Variants in TNRC6C observed in about 807,000 individuals in gnomAD.
TNRC6C encodes trinucleotide repeat-containing gene 6C protein.
A neutral mutation model predicts 153.7 loss-of-function variants in TNRC6C; 20 were observed. That is an observed-to-expected ratio of 0.13 (90% CI 0.09 to 0.19). TNRC6C has a LOEUF of 0.19. TNRC6C is among the 10% of genes least tolerant of loss of function. The pLI is 1.00. For synonymous variants in TNRC6C, 811 were observed against 841.4 expected, an observed-to-expected ratio of 0.96 and a Z score of 0.63; for missense variants, 1,987 against 2,172.0, an observed-to-expected ratio of 0.91 and a Z score of 1.69.
intron 3 of TNRC6C, among the ~76,000 whole-genome samples, chr17:78,057,851 A>G (rs1195495471): frequency 2.6e-5 from 4 of 152,124 alleles, no homozygotes; most frequent in Non-Finnish European, 5.9e-5. Flanking sequence ...GTTGTTTTAA[A>G]GGAACGAATG....
Position 78,049,526 on chromosome 17 carries a change from T to A in TNRC6C, c.464T>A (p.Leu155Gln). Reference sequence around the variant, plus strand: ...ACTTTAGGTGCTTGGGGAAACTTGCTGCCACAAGAGAGCACAGAACCACAA... The same window carrying A: ...ACTTTAGGTGCTTGGGGAAACTTGCAGCCACAAGAGAGCACAGAACCACAA... Residue 155 changes from leucine to glutamine, a missense_variant, in exon 3 of 20, where the codon CTG (leucine) becomes CAG (glutamine). By Grantham distance (113) the Leu-to-Gln change is moderately radical (BLOSUM62 -2). Around this residue, in one of 4 missense-constraint regions of TNRC6C, gnomAD observed 1,052 missense variants for 1,017.0 expected, o/e 1.03. Transcript: ENST00000301624. This position sits in a 1 kb window ranked among gnomAD's most constrained non-coding sequence, Gnocchi z 4.1. 1 of 1,614,042 alleles carries A rather than the reference T, an allele frequency of 6.2e-7. No homozygotes were observed.
intron 1 of TNRC6C, among the ~76,000 whole-genome samples, chr17:77,986,348 G>C (rs2144126027): frequency 6.6e-6 from 1 of 151,364 alleles, no homozygotes; most frequent in East Asian, 2.0e-4. Flanking sequence ...GCGGGAGACA[G>C]GTTGTGGTGA....
exon 20 of TNRC6C, chr17:78,106,578 A>G (rs1176001380): frequency 1.3e-5 from 2 of 151,792 alleles, no homozygotes; most frequent in African/African-American, 2.4e-5. Context: ...AAAGAGGAAA[A>G]AAAAACACAA....
intron 1 of TNRC6C, among the ~76,000 whole-genome samples, chr17:78,030,129 G>C (rs2072034603): frequency 1.4e-5 from 2 of 146,916 alleles, no homozygotes; most frequent in Non-Finnish European, 2.9e-5. Context: ...AATTACTACT[G>C]TACATAATGT....
intron 2 of TNRC6C, among the ~76,000 whole-genome samples, chr17:78,044,718 G>A (rs993840147): frequency 2.0e-5 from 3 of 152,202 alleles, no homozygotes; most frequent in Non-Finnish European, 4.4e-5. Context: ...TTCTGCTTTT[G>A]TGCCACAGCA....
At chr17:78,032,371 C>G (rs889774978) in intron 2 of TNRC6C, among the ~76,000 whole-genome samples, 2 of 152,172 alleles carry the variant, frequency 1.3e-5, no homozygotes, top group African/African-American at 2.4e-5. Flanking sequence ...CTTTTGGCTC[C>G]TAAGAAAAAT....
At position 78,083,034 on chromosome 17, in the gene TNRC6C, T is replaced by C. The variant is rs772617000; in HGVS notation, c.3358-13T>C. On this transcript the variant is annotated splice_polypyrimidine_tract_variant and intron_variant, in intron 10 of 19. Transcript: ENST00000301624. ...GAGATACAACGGCTAATAGTATATTTTATGTTAAACAGGTTCAAGCACAGC... is the reference window on the plus strand; with the variant it reads ...GAGATACAACGGCTAATAGTATATTCTATGTTAAACAGGTTCAAGCACAGC... 1.1e-5 allele frequency: 18 copies of C among 1,613,404 alleles called. 1 individual carries two copies. In the South Asian group the frequency reaches 2.0e-4, roughly 18 times the overall value.
chr17:78,076,690 A>C (rs2073091537), intron 8 of TNRC6C, among the ~76,000 whole-genome samples: 1 of 152,190 alleles, frequency 6.6e-6, no homozygotes, highest in Non-Finnish European at 1.5e-5. Flanking sequence ...GCATGACCTC[A>C]GTAGATGTTA....
intron 1 of TNRC6C, among the ~76,000 whole-genome samples, chr17:77,965,922 C>G (rs2070893483): frequency 6.6e-6 from 1 of 152,184 alleles, no homozygotes; most frequent in Non-Finnish European, 1.5e-5. Context: ...TCCCTTCATA[C>G]CACTTTTTAG....
At chr17:78,004,311 G>A (rs1209620788), upstream of TNRC6C, 1 of 1,231,514 alleles carries the variant, frequency 8.1e-7, no homozygotes, top group Non-Finnish European at 1.0e-6. Flanking sequence ...GTATCATTGT[G>A]TGTCTCATTT....
intron 13 of TNRC6C, 99 bp from the exon 16 acceptor site, chr17:78,091,341 A>AT: frequency 3.9e-6 from 5 of 1,289,938 alleles, no homozygotes; most frequent in African/African-American, 1.5e-5. Flanking sequence ...AAAAAAAAAA[A>AT]TTTGCTGTAA....
intron 1 of TNRC6C, among the ~76,000 whole-genome samples, chr17:77,990,741 C>G (rs558525003): frequency 6.6e-6 from 1 of 152,288 alleles, no homozygotes; most frequent in Non-Finnish European, 1.5e-5. Flanking sequence ...GGTATGGCCT[C>G]AGTATAATGT....
At chr17:78,053,934 A>G (rs1463473654) in intron 3 of TNRC6C, among the ~76,000 whole-genome samples, 1 of 152,202 alleles carries the variant, frequency 6.6e-6, no homozygotes, top group Non-Finnish European at 1.5e-5. Flanking sequence ...AACAATGGTG[A>G]TACATTCTAA....
rs558547610 is a variant in TNRC6C at position 78,037,979 on chromosome 17, A to C, written c.-219+6137A>C. ...CCAGGAACTATGATATAAAGAGAGC[A>C]GGGGGAAAAACAGATGTATACACGG... is the stretch of plus-strand genomic sequence containing the variant. On this transcript the variant is annotated intron_variant, in intron 2 of 19. Transcript: ENST00000301624. Among the ~76,000 whole-genome samples, 3 of 152,318 alleles carry C rather than the reference A, an allele frequency of 2.0e-5. No individual in the cohort carries two copies. In the South Asian group the frequency reaches 6.2e-4, roughly 32 times the overall value.
At chr17:78,009,034 CTT>C (rs1385917369) in intron 1 of TNRC6C, among the ~76,000 whole-genome samples, 1 of 152,182 alleles carries the variant, frequency 6.6e-6, no homozygotes, top group African/African-American at 2.4e-5. Context: ...TGAATATCGT[CTT>C]TGCGTTGGTG....
chr17:78,067,718 G>A lies in TNRC6C; in HGVS notation c.2612-39G>A, dbSNP rs116550808. On this transcript the variant is annotated intron_variant, in intron 4 of 19. Coordinates refer to ENST00000301624, the Ensembl canonical transcript of TNRC6C. ...CAGTGGAAGCATTGTCTGCGTTAGG[G>A]ACATGAATTTGATAAGTTCATGTTT... 2,237 of 1,564,320 alleles carry A rather than the reference G, an allele frequency of 1.4e-3. 28 individuals are homozygous for A. In the African/African-American group the frequency reaches 0.027, roughly 19 times the overall value.
chr17:78,071,000 C>G (rs1157575142), intron 5 of TNRC6C, 85 bp from the exon 8 acceptor site: 10 of 1,324,100 alleles, frequency 7.6e-6, no homozygotes, highest in African/African-American at 2.9e-5. Context: ...TTAAATGACC[C>G]TGAATTTAGG....
chr17:77,998,992 A>G (rs1007754), intron 1 of TNRC6C, among the ~76,000 whole-genome samples: 12,801 of 152,282 alleles, frequency 0.084, 676 homozygotes, highest in East Asian at 0.18. Context: ...GGCTCTCACT[A>G]TGCTGCTTTG....
At chr17:77,963,039 C>T (rs925285221) in intron 1 of TNRC6C, among the ~76,000 whole-genome samples, 6 of 152,162 alleles carry the variant, frequency 3.9e-5, no homozygotes, top group African/African-American at 1.4e-4. Flanking sequence ...CAAATTTATA[C>T]AAATGAGTTT....
Sources: gnomAD v4.1 joint callset for allele counts (sites outside exome capture counted in the v4.1 genomes callset) on GRCh38, gnomAD v4.1.1 for gene constraint, gnomAD v4.1.1 regional missense constraint, Gnocchi (gnomAD v3.1) non-coding constraint, MANE v1.5 for transcripts, NCBI Gene and HGNC (gene_info 2026-07-23, HGNC 2026-07-21) for gene names.